RPS6KA2: variants seen among roughly 807,000 people sequenced by gnomAD.
The protein encoded by RPS6KA2 is ribosomal protein S6 kinase alpha-2.
Under a neutral mutation model 91.8 loss-of-function variants are expected in RPS6KA2, and 42 were observed. That is an observed-to-expected ratio of 0.46 (90% CI 0.36 to 0.59). The LOEUF (loss-of-function observed/expected upper bound fraction) is 0.59, where lower values mean the gene tolerates loss of function less well. Ranked by LOEUF, RPS6KA2 falls within the 20% of genes least tolerant of loss-of-function variation. The pLI is 0.00. For missense variants in RPS6KA2, 798 were observed against 978.5 expected, an observed-to-expected ratio of 0.82 and a Z score of 2.46; for synonymous variants, 414 against 393.6, an observed-to-expected ratio of 1.05 and a Z score of -0.61.
intron 15 of RPS6KA2, among the ~76,000 whole-genome samples, chr6:166,432,174 C>T (rs1451052034): frequency 1.3e-5 from 2 of 152,208 alleles, no homozygotes. Flanking sequence ...CACAAGCTCT[C>T]TCTTCCTCTG....
rs140620269 is a variant in RPS6KA2 at position 166,544,307 on chromosome 6, C to A, written c.100-5523G>T. ...CACTAAATGGCTTTTTAGCCTCTTC[C>A]GGAAAAGAAAGACAGCCGCAGACTT... On this transcript the variant is annotated intron_variant, in intron 1 of 20. Transcript: ENST00000265678. Among the ~76,000 whole-genome samples the A allele has an allele frequency of 3.6e-3, 545 of 152,240 alleles. 1 individual carries two copies. Among genetic ancestry groups the A allele is most frequent in the African/African-American group, 0.012 (516 of 41,548 alleles).
intron 14 of RPS6KA2, among the ~76,000 whole-genome samples, chr6:166,444,013 T>C (rs1483954770): frequency 6.6e-6 from 1 of 152,192 alleles, no homozygotes; most frequent in African/African-American, 2.4e-5. Flanking sequence ...CTGTATATAT[T>C]TACATATTCC....
chr6:166,641,618 A>G (rs1787434687), intron 2 of RPS6KA2, among the ~76,000 whole-genome samples: 1 of 150,142 alleles, frequency 6.7e-6, no homozygotes, highest in African/African-American at 2.4e-5. Context: ...AGCTACACGG[A>G]CTGAGGCAGG....
intron 1 of RPS6KA2, among the ~76,000 whole-genome samples, chr6:166,571,302 GACAC>G (rs1434413580): frequency 1.3e-5 from 2 of 152,214 alleles, no homozygotes; most frequent in Non-Finnish European, 2.9e-5. Context: ...GTTAAACGCT[GACAC>G]ACACAACACA....
In RPS6KA2 at chr6:166,697,675, C is replaced by G. The variant is rs533363481; in HGVS notation, c.124-158891G>C. Among the ~76,000 whole-genome samples the G allele has an allele frequency of 1.2e-4, 19 of 152,306 alleles. No homozygotes were observed. The East Asian group carries it at 3.7e-3, about 29-fold the overall frequency. ...TTCCACACCAGCCTGGACTGTTCAG[C>G]TGTGGGCCGGATCCCAGAAGGGAGG... On this transcript the variant is annotated intron_variant, in intron 2 of 21. Transcript: ENST00000503859.
rs148421583 is a variant in RPS6KA2 at position 166,578,655 on chromosome 6, C to T, written c.100-39871G>A. On this transcript the variant is annotated intron_variant, in intron 1 of 20. Transcript: ENST00000265678. ...GGCCAGCATGCTCCAATCTAGAGAG[C>T]GAGGTTTTGTAAACCTGATCCTCAG... Among the ~76,000 whole-genome samples, 26 of 152,300 alleles carry T rather than the reference C, an allele frequency of 1.7e-4. No individual in the cohort carries two copies. In the East Asian group the frequency reaches 4.0e-3, roughly 24 times the overall value.
chr6:166,672,222 G>A (rs979475369), intron 2 of RPS6KA2, among the ~76,000 whole-genome samples: 2 of 152,138 alleles, frequency 1.3e-5, no homozygotes, highest in Non-Finnish European at 2.9e-5. Context: ...ATGTGGGGAC[G>A]GAGAACACTA....
At chr6:166,572,928 T>G (rs1472950666) in intron 1 of RPS6KA2, among the ~76,000 whole-genome samples, 1 of 152,198 alleles carries the variant, frequency 6.6e-6, no homozygotes, top group East Asian at 1.9e-4. Context: ...ATGCAGCTCA[T>G]GAGGTTGGGC....
At chr6:166,506,556 T>C (rs1583217567) in intron 5 of RPS6KA2, among the ~76,000 whole-genome samples, 1 of 152,154 alleles carries the variant, frequency 6.6e-6, no homozygotes, top group Non-Finnish European at 1.5e-5. Context: ...CCCAAAGGCC[T>C]TTGTGTAGAG....
intron 2 of RPS6KA2, among the ~76,000 whole-genome samples, chr6:166,823,043 A>G (rs951812893): frequency 6.6e-5 from 10 of 152,224 alleles, no homozygotes; most frequent in African/African-American, 9.6e-5. Flanking sequence ...AACTGAAGAA[A>G]AAGACAACCA....
intron 1 of RPS6KA2, chr6:166,861,997 A>T: frequency 7.1e-7 from 1 of 1,408,164 alleles, no homozygotes; most frequent in African/African-American, 1.4e-5. Flanking sequence ...TCTCTGACCC[A>T]TCATAGTCAC....
Position 166,498,586 on chromosome 6 carries a change from G to C in RPS6KA2, c.669C>G (p.Ile223Met). The change falls in exon 8 of 21, where the codon ATC becomes ATG. Residue 223 changes from isoleucine to methionine, a missense_variant. Coordinates refer to ENST00000265678, the MANE Select transcript of RPS6KA2 (RefSeq NM_021135.6). ...DKRAYSFCGT[I>M]EYMAPEVVNR... ...TCACCACCTCGGGCGCCATGTACTC[G>C]ATCGTCCCGCAGAAGGAGTACGCTC... The C allele has an allele frequency of 9.3e-6, 15 of 1,613,830 alleles. No individual in the cohort carries two copies. The highest frequency in any genetic ancestry group is 1.1e-5 in the Non-Finnish European group (13 of 1,179,966).
Position 166,423,747 on chromosome 6 carries a change from T to C in RPS6KA2, c.1582-330A>G, listed in dbSNP as rs1359242275. 4.3e-6 allele frequency: 1 copy of C among 230,422 alleles called. No individual in the cohort carries two copies. The highest frequency in any genetic ancestry group is 8.4e-6 in the Non-Finnish European group (1 of 118,482). The allele number at this position is 230,422 out of a possible 1,614,324, so 14.3% of individuals were successfully genotyped here. A position where few individuals can be genotyped will look rare whatever the true frequency, so the allele number is the denominator to read the frequency against. ...ACATAAAAGGAAATGTGGTGAGCTC[T>C]GGAGATAGGAATGAAAAGCATTTTA... On this transcript the variant is annotated intron_variant, in intron 16 of 20. Coordinates refer to ENST00000265678, the MANE Select transcript of RPS6KA2 (RefSeq NM_021135.6). The surrounding 1 kb of genome is among the most constrained non-coding windows in gnomAD (Gnocchi z 4.8).
intron 1 of RPS6KA2, among the ~76,000 whole-genome samples, chr6:166,545,650 C>T (rs1327748873): frequency 1.3e-5 from 2 of 152,136 alleles, no homozygotes; most frequent in African/African-American, 4.8e-5. Flanking sequence ...GAGAGAGGAA[C>T]CTCCCAAGGA....
intron 1 of RPS6KA2, among the ~76,000 whole-genome samples, chr6:166,616,052 C>T (rs1259242169): frequency 6.6e-6 from 1 of 152,118 alleles, no homozygotes; most frequent in Non-Finnish European, 1.5e-5. Context: ...CTTGCCGTAC[C>T]CTGCCACCCA....
Position 166,665,223 on chromosome 6 carries a change from G to C in RPS6KA2, c.124-126439C>G, listed in dbSNP as rs1788281448. Among the ~76,000 whole-genome samples, 1 of 152,180 alleles carries C rather than the reference G, an allele frequency of 6.6e-6. No homozygotes were observed. The highest frequency in any genetic ancestry group is 1.5e-5 in the Non-Finnish European group (1 of 68,032). On this transcript the variant is annotated intron_variant, in intron 2 of 21. Transcript: ENST00000503859. The surrounding 1 kb of genome is among the most constrained non-coding windows in gnomAD (Gnocchi z 4.5). ...TGCCCCCCAAGATACTAACTCAGGT[G>C]AAAGATTGTGAGATTTCATCCTCAG...
At position 166,437,776 on chromosome 6, in the gene RPS6KA2, G is replaced by A. The variant is rs927550886; in HGVS notation, c.1333-5286C>T. ...ACAAACACTGCCATTCCTGCTGGCC[G>A]AAGGCGACAACAGGAGACTTCGCTG... On this transcript the variant is annotated intron_variant, in intron 14 of 20. Transcript: ENST00000265678. The surrounding 1 kb of genome is among the most constrained non-coding windows in gnomAD (Gnocchi z 4.3). 7.9e-5 allele frequency among the ~76,000 whole-genome samples: 12 copies of A among 152,104 alleles called. No individual in the cohort carries two copies. Among genetic ancestry groups the A allele is most frequent in the South Asian group, 6.2e-4 (3 of 4,834 alleles).
chr6:166,801,958 T>A (rs1029934754), intron 2 of RPS6KA2, among the ~76,000 whole-genome samples: 6 of 151,686 alleles, frequency 4.0e-5, no homozygotes, highest in African/African-American at 7.3e-5. Context: ...AAAAAAAAAA[T>A]TTTTAAATCC....
chr6:166,748,256 G>A (rs1170842791), intron 2 of RPS6KA2, among the ~76,000 whole-genome samples: 1 of 152,136 alleles, frequency 6.6e-6, no homozygotes, highest in Non-Finnish European at 1.5e-5. Context: ...GCCCGGGAGG[G>A]AGTGCGGGCC....
Sources: gnomAD v4.1 joint callset for allele counts (sites outside exome capture counted in the v4.1 genomes callset) on GRCh38, gnomAD v4.1.1 for gene constraint, Gnocchi (gnomAD v3.1) non-coding constraint, MANE v1.5 for transcripts, NCBI Gene and HGNC (gene_info 2026-07-23, HGNC 2026-07-21) for gene names.